Variants in WDSUB1 observed in about 807,000 individuals in gnomAD.
WDSUB1 encodes WD repeat, sterile alpha motif and U-box domain containing 1.
A neutral mutation model predicts 53.9 loss-of-function variants in WDSUB1; 49 were observed. That is an observed-to-expected ratio of 0.91 (90% CI 0.72 to 1.15). The LOEUF is 1.15. Ranked by LOEUF, WDSUB1 falls within the 50% of genes most tolerant of loss-of-function variation. WDSUB1 has a pLI of 0.00. For synonymous variants in WDSUB1, 194 were observed against 200.6 expected, an observed-to-expected ratio of 0.97 and a Z score of 0.28; for missense variants, 514 against 562.0, an observed-to-expected ratio of 0.91 and a Z score of 0.86.
chr2:159,261,880 ATATATATATATATATATTTTTTTTTTTT>A (rs1412628564), intron 5 of WDSUB1, among the ~76,000 whole-genome samples: 1,317 of 19,056 alleles, frequency 0.069, 74 homozygotes, highest in Admixed American at 0.09. Context: ...ATATATATAT[ATATATATATATATATATTTTTTTTTTTT>A]TTTTTTTTTT....
In WDSUB1 at chr2:159,235,803, A is replaced by AGT. The variant is rs2060465304; in HGVS notation, c.*228_*229dup. 3.0e-6 allele frequency: 1 copy of AGT among 333,564 alleles called. No individual in the cohort carries two copies. The highest frequency in any genetic ancestry group is 2.1e-5 in the African/African-American group (1 of 46,868). 20.7% of individuals were successfully genotyped at this position (333,564 alleles called of 1,614,324 possible). ...AAAAACTTAGGACACTGCAATTTAA[A>AGT]GTATAACTTTATTTCTATATAGCTG... On this transcript the variant is annotated 3_prime_UTR_variant, in exon 11 of 11. Transcript: ENST00000359774.
intron 10 of WDSUB1, 147 bp from the exon 11 acceptor site, chr2:159,236,337 A>G: frequency 1.3e-6 from 1 of 795,316 alleles, no homozygotes; most frequent in Non-Finnish European, 1.9e-6. Context: ...ACCCCCAAAA[A>G]TCTCTCTGCC....
intron 5 of WDSUB1, among the ~76,000 whole-genome samples, chr2:159,268,855 T>C (rs1045984038): frequency 5.9e-5 from 9 of 151,686 alleles, no homozygotes; most frequent in African/African-American, 1.9e-4. Context: ...CTGAAAAAAA[T>C]TGCCAAATAG....
In WDSUB1 at chr2:159,259,854, A is replaced by T. The variant is rs1395757691; in HGVS notation, c.771-11T>A. The T allele has an allele frequency of 1.3e-6, 2 of 1,510,686 alleles. No individual in the cohort carries two copies. The highest frequency in any genetic ancestry group is 2.8e-5 in the African/African-American group (2 of 71,648). 93.6% of individuals were successfully genotyped at this position (1,510,686 alleles called of 1,614,324 possible). A position where few individuals can be genotyped will look rare whatever the true frequency, so the allele number is the denominator to read the frequency against. On this transcript the variant is annotated splice_polypyrimidine_tract_variant and intron_variant, in intron 5 of 10. Coordinates refer to ENST00000359774, the MANE Select transcript of WDSUB1 (RefSeq NM_001128212.3). ...GACTTATCCACTGACCTTAAAAGAA[A>T]ATAAATTATAGGTGAAAAGTTCTAT...
intron 5 of WDSUB1, among the ~76,000 whole-genome samples, chr2:159,260,867 A>G (rs1302869851): frequency 6.6e-6 from 1 of 152,232 alleles, no homozygotes. Flanking sequence ...GAACATTAAT[A>G]TTTGTACTTA....
intron 10 of WDSUB1, among the ~76,000 whole-genome samples, chr2:159,240,038 A>T (rs1181570153): frequency 6.6e-6 from 1 of 152,132 alleles, no homozygotes; most frequent in African/African-American, 2.4e-5. Context: ...CACTCCATCA[A>T]TCCCATACCC....
chr2:159,258,807 T>C (rs910838911), intron 6 of WDSUB1, among the ~76,000 whole-genome samples: 1 of 152,288 alleles, frequency 6.6e-6, no homozygotes, highest in Middle Eastern at 3.4e-3. Context: ...CATGAAACGT[T>C]CATGAGAAAT....
At position 159,235,943 on chromosome 2, in the gene WDSUB1, G is replaced by A. The variant is rs2060467967; in HGVS notation, c.*90C>T. On this transcript the variant is annotated 3_prime_UTR_variant, in exon 11 of 11. Transcript: ENST00000359774. ...AATTTAAGAAGTTTACCTTTTTCCTGTTTTGCTTTTAATAATGTCTGATTA... is the reference window on the plus strand; with the variant it reads ...AATTTAAGAAGTTTACCTTTTTCCTATTTTGCTTTTAATAATGTCTGATTA... The A allele has an allele frequency of 8.2e-7, 1 of 1,225,810 alleles. No homozygotes were observed. The highest frequency in any genetic ancestry group is 3.5e-5 in the Admixed American group (1 of 28,914). 75.9% of individuals were successfully genotyped at this position (1,225,810 alleles called of 1,614,324 possible). A position where few individuals can be genotyped will look rare whatever the true frequency, so the allele number is the denominator to read the frequency against.
At chr2:159,261,880 ATATATATATATATATATTTTTTTTTT>A (rs2061216877) in intron 5 of WDSUB1, among the ~76,000 whole-genome samples, 12 of 19,032 alleles carry the variant, frequency 6.3e-4, no homozygotes, top group Admixed American at 8.6e-4. Context: ...ATATATATAT[ATATATATATATATATATTTTTTTTTT>A]TTTTTTTTTT....
chr2:159,237,490 C>A (rs955178334), intron 10 of WDSUB1, among the ~76,000 whole-genome samples: 4 of 150,928 alleles, frequency 2.7e-5, no homozygotes, highest in African/African-American at 9.8e-5. Context: ...CACTGCACTC[C>A]AGCCTGGGTG....
At chr2:159,248,542 AACT>A in intron 9 of WDSUB1, 30 bp from the exon 10 acceptor site, 1 of 1,474,130 alleles carries the variant, frequency 6.8e-7, no homozygotes, top group East Asian at 2.6e-5. Flanking sequence ...AGGGCTGGAT[AACT>A]ACTAGTAATC....
chr2:159,261,037 T>C (rs2061177554), intron 5 of WDSUB1, among the ~76,000 whole-genome samples: 1 of 152,122 alleles, frequency 6.6e-6, no homozygotes, highest in African/African-American at 2.4e-5. Context: ...AGATATAAAA[T>C]AAAACACAAG....
At chr2:159,240,406 T>C (rs2060613315) in intron 10 of WDSUB1, among the ~76,000 whole-genome samples, 1 of 152,218 alleles carries the variant, frequency 6.6e-6, no homozygotes, top group African/African-American at 2.4e-5. Flanking sequence ...TTGTAATAAC[T>C]TTCTGAAGAG....
At chr2:159,259,036 A>ATTTTTTTTTTTTTTTTTTTTTT (rs1553629127) in intron 6 of WDSUB1, among the ~76,000 whole-genome samples, 13 of 150,720 alleles carry the variant, frequency 8.6e-5, no homozygotes, top group African/African-American at 2.9e-4. Context: ...CAACTACTTT[A>ATTTTTTTTTTTTTTTTTTTTTT]TTTTTGAGAC....
intron 4 of WDSUB1, among the ~76,000 whole-genome samples, chr2:159,273,439 T>C (rs2061481094): frequency 6.6e-6 from 1 of 152,184 alleles, no homozygotes; most frequent in Non-Finnish European, 1.5e-5. Flanking sequence ...TATTTTTTTT[T>C]TGAGAGCATC....
intron 4 of WDSUB1, among the ~76,000 whole-genome samples, chr2:159,273,552 C>G (rs1358268401): frequency 6.6e-6 from 1 of 152,036 alleles, no homozygotes; most frequent in Non-Finnish European, 1.5e-5. Context: ...TCCCAAGAAG[C>G]TGGGACTACA....
chr2:159,274,107 G>T (rs1187083013), intron 4 of WDSUB1, among the ~76,000 whole-genome samples: 3 of 152,178 alleles, frequency 2.0e-5, no homozygotes, highest in Non-Finnish European at 2.9e-5. Context: ...TCAACTTTGG[G>T]GAGGCAGAAA....
chr2:159,263,499 G>C (rs1214603124), intron 5 of WDSUB1, among the ~76,000 whole-genome samples: 1 of 152,176 alleles, frequency 6.6e-6, no homozygotes, highest in Non-Finnish European at 1.5e-5. Context: ...GCCAAAGAAA[G>C]GTTGCAAGTT....
At chr2:159,270,919 C>T (rs1446465652) in intron 5 of WDSUB1, among the ~76,000 whole-genome samples, 2 of 152,184 alleles carry the variant, frequency 1.3e-5, no homozygotes, top group East Asian at 3.9e-4. Context: ...GGGCCGGAGG[C>T]ATGAACAGGC....
Sources: allele counts gnomAD v4.1 joint callset (sites outside exome capture counted in the v4.1 genomes callset), GRCh38; gene constraint gnomAD v4.1.1; transcripts MANE v1.5; gene names NCBI Gene and HGNC (gene_info 2026-07-23, HGNC 2026-07-21).